Variants in MAPKAP1 observed in about 807,000 individuals in gnomAD.
MAPKAP1 encodes the protein target of rapamycin complex 2 subunit MAPKAP1.
Under a neutral mutation model 65.7 loss-of-function variants are expected in MAPKAP1, and 20 were observed. The ratio of observed to expected loss-of-function variants is 0.30; its 90% confidence interval spans 0.21 to 0.44. The LOEUF (loss-of-function observed/expected upper bound fraction) is 0.44, where lower values mean the gene tolerates loss of function less well. Among genes scored for constraint, MAPKAP1 ranks in the 20% least tolerant of loss-of-function variants. The pLI, the probability that MAPKAP1 is intolerant of heterozygous loss-of-function variation, is 1.00. For synonymous variants in MAPKAP1, 222 were observed against 244.3 expected (o/e 0.91, Z 0.85); for missense variants, 423 against 648.0 (o/e 0.65, Z 3.77).
chr9:125,672,081 C>A (rs1030857495), intron 2 of MAPKAP1, among the ~76,000 whole-genome samples: 3 of 152,184 alleles, frequency 2.0e-5, no homozygotes, highest in Admixed American at 2.0e-4. Context: ...TCTCTCCTAA[C>A]CAACTTTTTC....
intron 7 of MAPKAP1, among the ~76,000 whole-genome samples, chr9:125,541,619 A>G (rs879516832): frequency 9.2e-5 from 14 of 152,190 alleles, no homozygotes; most frequent in Non-Finnish European, 1.5e-4. Context: ...ACTGGGAAGG[A>G]GTGGCTGTGC....
At chr9:125,497,931 G>A (rs1828857272) in intron 8 of MAPKAP1, among the ~76,000 whole-genome samples, 1 of 152,234 alleles carries the variant, frequency 6.6e-6, no homozygotes, top group African/African-American at 2.4e-5. Flanking sequence ...TGGTTGGTGG[G>A]AAAGGTCACT....
chr9:125,539,994 G>GA (rs1017934285), intron 7 of MAPKAP1, among the ~76,000 whole-genome samples: 13 of 151,880 alleles, frequency 8.6e-5, no homozygotes, highest in East Asian at 5.8e-4. Context: ...AATATTAATA[G>GA]AAAAAAAACC....
At chr9:125,627,571 G>T (rs1468985502) in intron 4 of MAPKAP1, among the ~76,000 whole-genome samples, 1 of 152,052 alleles carries the variant, frequency 6.6e-6, no homozygotes, top group African/African-American at 2.4e-5. Context: ...GGAAGGCCCT[G>T]CCAGCACACT....
At chr9:125,600,668 C>G (rs138914358) in intron 4 of MAPKAP1, among the ~76,000 whole-genome samples, 1 of 151,502 alleles carries the variant, frequency 6.6e-6, no homozygotes, top group East Asian at 1.9e-4. Flanking sequence ...GGAAAGGTCT[C>G]TATCTTAATT....
In MAPKAP1 at chr9:125,642,639, C is replaced by T. The variant is rs147204906; in HGVS notation, c.498+15012G>A. ...TTCACCTTTTGTCAGGAATAATCTA[C>T]CCCTCAGTTAAAGAAACCCATAAAG... On this transcript the variant is annotated intron_variant, in intron 4 of 11. Transcript: ENST00000265960. 3.3e-5 allele frequency among the ~76,000 whole-genome samples: 5 copies of T among 152,320 alleles called. No homozygotes were observed. In the East Asian group the frequency reaches 9.6e-4, roughly 29 times the overall value.
chr9:125,545,830 C>T (rs1045269222), intron 6 of MAPKAP1, among the ~76,000 whole-genome samples: 2 of 152,048 alleles, frequency 1.3e-5, no homozygotes, highest in Admixed American at 1.3e-4. Flanking sequence ...AGAGGAAATC[C>T]CTGGCACTTA....
intron 5 of MAPKAP1, among the ~76,000 whole-genome samples, chr9:125,564,029 T>A (rs1468688091): frequency 1.3e-5 from 2 of 152,200 alleles, no homozygotes; most frequent in African/African-American, 4.8e-5. Context: ...GTATTATTAG[T>A]GAGGTATGTG....
chr9:125,596,150 T>C (rs1380235430), intron 4 of MAPKAP1: 1 of 778,906 alleles, frequency 1.3e-6, no homozygotes, highest in African/African-American at 1.7e-5. Context: ...TGGATAAGAC[T>C]GTCATTCAAA....
intron 6 of MAPKAP1, 195 bp downstream of exon 6, chr9:125,559,438 C>CT (rs1234197182): frequency 4.0e-6 from 2 of 496,490 alleles, no homozygotes; most frequent in African/African-American, 3.9e-5. Flanking sequence ...GCAAAGCAGT[C>CT]TGCGTAGCCT....
At chr9:125,696,443 A>G (rs1469958684) in intron 1 of MAPKAP1, 3 of 151,948 alleles carry the variant, frequency 2.0e-5, no homozygotes, top group African/African-American at 7.2e-5. Context: ...CAAAAAACAA[A>G]CAAACAAAAA....
rs1021353080 is a variant in MAPKAP1, at chr9:125,437,691, C to G, written c.*1196G>C. 1 of 152,538 alleles carries G rather than the reference C, an allele frequency of 6.6e-6. No homozygotes were observed. The highest frequency in any genetic ancestry group is 2.4e-5 in the African/African-American group (1 of 41,464). The allele number at this position is 152,538 out of a possible 1,614,324, so 9.4% of individuals were successfully genotyped here. On this transcript the variant is annotated 3_prime_UTR_variant, in exon 12 of 12. Coordinates refer to ENST00000265960, the MANE Select transcript of MAPKAP1 (RefSeq NM_001006617.3). ...CAGCTTTAAGATGCTGTTTTAGACA[C>G]ATCTCTTCCTGTACAACAATTTAAA...
At chr9:125,678,093 T>C (rs1452260852) in intron 1 of MAPKAP1, among the ~76,000 whole-genome samples, 2 of 152,006 alleles carry the variant, frequency 1.3e-5, no homozygotes, top group South Asian at 2.1e-4. Flanking sequence ...ACTTTTTGTA[T>C]TTTTTGTAGA....
chr9:125,451,308 C>T (rs959395535), intron 10 of MAPKAP1, among the ~76,000 whole-genome samples: 1 of 152,176 alleles, frequency 6.6e-6, no homozygotes, highest in Non-Finnish European at 1.5e-5. Flanking sequence ...TTCTTGGGTC[C>T]ACGTCTCCAG....
At chr9:125,498,762 G>A (rs1191049249) in intron 8 of MAPKAP1, among the ~76,000 whole-genome samples, 1 of 152,072 alleles carries the variant, frequency 6.6e-6, no homozygotes, top group African/African-American at 2.4e-5. Flanking sequence ...TATTTGCTGG[G>A]AGGTACGCTG....
At chr9:125,517,078 G>A (rs1829481900) in intron 7 of MAPKAP1, among the ~76,000 whole-genome samples, 1 of 152,198 alleles carries the variant, frequency 6.6e-6, no homozygotes, top group South Asian at 2.1e-4. Context: ...GAGTGGTTAA[G>A]TCATGTACCC....
chr9:125,576,530 C>T (rs901806812), intron 5 of MAPKAP1, among the ~76,000 whole-genome samples: 4 of 152,276 alleles, frequency 2.6e-5, no homozygotes, highest in African/African-American at 7.2e-5. Context: ...CCTCTCCCCA[C>T]GGTCTCCCTC....
At chr9:125,698,286 TAAA>T (rs1218217996) in intron 1 of MAPKAP1, among the ~76,000 whole-genome samples, 5 of 25,800 alleles carry the variant, frequency 1.9e-4, no homozygotes, top group African/African-American at 9.1e-4. Context: ...ATAATATATA[TAAA>T]TATATATATA....
rs1292422978 is a variant in MAPKAP1 at position 125,661,684 on chromosome 9, C to A, written c.350-3885G>T. On this transcript the variant is annotated intron_variant, in intron 3 of 11. Transcript: ENST00000265960. Reference sequence around the variant, plus strand: ...AATGACTATAAAAGAGTGAAGGGAACAGAAAGTGAAGCTAGATTTCTCTGA... The same window carrying A: ...AATGACTATAAAAGAGTGAAGGGAAAAGAAAGTGAAGCTAGATTTCTCTGA... Among the ~76,000 whole-genome samples, 3 of 152,226 alleles carry A rather than the reference C, an allele frequency of 2.0e-5. No individual in the cohort carries two copies. The East Asian group carries it at 5.8e-4, about 29-fold the overall frequency.
Sources: allele counts gnomAD v4.1 joint callset (sites outside exome capture counted in the v4.1 genomes callset), GRCh38; gene constraint gnomAD v4.1.1; transcripts MANE v1.5; gene names NCBI Gene and HGNC (gene_info 2026-07-23, HGNC 2026-07-21).